Variants in MAGI2 observed in about 807,000 individuals in gnomAD.
MAGI2 encodes the protein membrane associated guanylate kinase, WW and PDZ domain containing 2.
MAGI2 carries 35 observed loss-of-function variants against 133.3 expected under a neutral mutation model. The ratio of observed to expected loss-of-function variants is 0.26; its 90% CI spans 0.20 to 0.35. The LOEUF (loss-of-function observed/expected upper bound fraction) is 0.35, where lower values mean the gene tolerates loss of function less well. Ranked by LOEUF, MAGI2 falls within the 10% of genes least tolerant of loss-of-function variation. The pLI is 1.00. For synonymous variants in MAGI2, 729 were observed against 710.6 expected (o/e 1.03, Z -0.41); for missense variants, 1,636 against 1,863.4 (o/e 0.88, Z 2.25).
At chr7:79,339,457 TG>T (rs1457645058) in intron 1 of MAGI2, among the ~76,000 whole-genome samples, 29 of 116,612 alleles carry the variant, frequency 2.5e-4, no homozygotes, top group Admixed American at 4.7e-4. Context: ...TGTTTGTTTT[TG>T]TTTTTGTTTT....
intron 4 of MAGI2, among the ~76,000 whole-genome samples, chr7:78,508,558 G>T (rs1795293171): frequency 6.6e-6 from 1 of 152,174 alleles, no homozygotes; most frequent in African/African-American, 2.4e-5. Flanking sequence ...GTAATAATGG[G>T]AGGGAAATAA....
intron 6 of MAGI2, among the ~76,000 whole-genome samples, chr7:78,370,588 T>G (rs1244653006): frequency 6.8e-6 from 1 of 146,856 alleles, no homozygotes; most frequent in African/African-American, 2.5e-5. Flanking sequence ...TGACATATAT[T>G]ACCAGATTTC....
Position 78,282,807 on chromosome 7 carries a change from A to AG in MAGI2, c.1409-26227dup, listed in dbSNP as rs542073428. On this transcript the variant is annotated intron_variant, in intron 9 of 21. Transcript: ENST00000354212. ...GATTTCAAGCTTTGTTGACTTCATG[A>AG]GGGGTGGGAGGGTCACAATATTTGT... Among the ~76,000 whole-genome samples, 18 of 151,980 alleles carry AG rather than the reference A, an allele frequency of 1.2e-4. No homozygotes were observed. The South Asian group carries it at 3.7e-3, about 32-fold the overall frequency.
At chr7:79,211,488 C>A (rs1829492747) in intron 1 of MAGI2, among the ~76,000 whole-genome samples, 1 of 150,376 alleles carries the variant, frequency 6.6e-6, no homozygotes, top group South Asian at 2.1e-4. Flanking sequence ...GAGGCAGGGT[C>A]TCACTGTGCT....
At chr7:78,459,360 G>A (rs1038423226) in intron 6 of MAGI2, among the ~76,000 whole-genome samples, 1 of 152,256 alleles carries the variant, frequency 6.6e-6, no homozygotes, top group East Asian at 1.9e-4. Flanking sequence ...TTGAGCAAAA[G>A]GTAGTATTAA....
intron 10 of MAGI2, among the ~76,000 whole-genome samples, chr7:78,221,353 C>T (rs1301282222): frequency 1.3e-5 from 2 of 152,196 alleles, no homozygotes; most frequent in East Asian, 3.9e-4. Context: ...CCAGACACCT[C>T]TTTCTCACTA....
At chr7:78,533,984 T>C (rs2885563) in intron 3 of MAGI2, among the ~76,000 whole-genome samples, 29,688 of 152,114 alleles carry the variant, frequency 0.2, 3,194 homozygotes, top group South Asian at 0.4. Context: ...AGCTGAGTGA[T>C]GGGCAGAGGG....
chr7:78,406,901 T>C (rs1417851650), intron 6 of MAGI2, among the ~76,000 whole-genome samples: 2 of 152,180 alleles, frequency 1.3e-5, no homozygotes, highest in South Asian at 2.1e-4. Flanking sequence ...ATATTCATTG[T>C]CACTGTATAA....
intron 1 of MAGI2, among the ~76,000 whole-genome samples, chr7:79,059,139 T>C (rs1813468377): frequency 6.6e-6 from 1 of 152,088 alleles, no homozygotes. Flanking sequence ...AATTATATTA[T>C]TTTATATTAC....
chr7:78,449,140 A>T lies in MAGI2; in HGVS notation c.1045+40621T>A, dbSNP rs139287020. Among the ~76,000 whole-genome samples the T allele has an allele frequency of 2.2e-3, 340 of 152,070 alleles. 1 individual carries two copies. Among genetic ancestry groups the T allele is most frequent in the African/African-American group, 7.7e-3 (321 of 41,510 alleles). ...GCCCCTTTCCATCACTATCATTGGC[A>T]CCTTGCTTCTGTGGCTAACCTGATA... On this transcript the variant is annotated intron_variant, in intron 6 of 21. Coordinates refer to ENST00000354212, the MANE Select transcript of MAGI2 (RefSeq NM_012301.4).
chr7:78,109,347 A>T, intron 20 of MAGI2, among the ~76,000 whole-genome samples: 1 of 132,932 alleles, frequency 7.5e-6, no homozygotes, highest in East Asian at 2.6e-4. Flanking sequence ...AAAAAGAAAA[A>T]AAAAAGAAAA....
At chr7:78,111,774 A>G (rs1272550675) in intron 20 of MAGI2, among the ~76,000 whole-genome samples, 1 of 152,216 alleles carries the variant, frequency 6.6e-6, no homozygotes, top group East Asian at 1.9e-4. Context: ...AGACAATCTG[A>G]AGGATGATTA....
intron 7 of MAGI2, among the ~76,000 whole-genome samples, chr7:78,366,308 A>C (rs1003244311): frequency 6.6e-6 from 1 of 152,122 alleles, no homozygotes; most frequent in Non-Finnish European, 1.5e-5. Context: ...TAACCTAGAC[A>C]GTTTTTATTT....
intron 3 of MAGI2, among the ~76,000 whole-genome samples, chr7:78,569,362 A>G (rs1801273189): frequency 1.3e-5 from 2 of 152,256 alleles, no homozygotes; most frequent in South Asian, 4.1e-4. Flanking sequence ...ACTTGAATGG[A>G]TCACATGTTC....
rs946746017 is a variant in MAGI2 at position 78,673,072 on chromosome 7, T to C, written c.419-45833A>G. Among the ~76,000 whole-genome samples, 105 of 152,324 alleles carry C rather than the reference T, an allele frequency of 6.9e-4. 1 individual carries two copies. Among genetic ancestry groups the C allele is most frequent in the African/African-American group, 2.5e-3 (102 of 41,576 alleles). On this transcript the variant is annotated intron_variant, in intron 2 of 21. Transcript: ENST00000354212. The stretch of plus-strand genomic sequence containing the variant: ...TCTTTTCATCTTTTATCAATACCTT[T>C]GTTTTACCACTTTCTGATCACCATC...
chr7:79,432,429 T>C (rs922413928), intron 1 of MAGI2, among the ~76,000 whole-genome samples: 1 of 152,198 alleles, frequency 6.6e-6, no homozygotes, highest in African/African-American at 2.4e-5. Context: ...GCTTTTTCCA[T>C]GAGCCTGAGG....
At chr7:78,359,473 C>T (rs1258781187) in intron 7 of MAGI2, 2 of 152,148 alleles carry the variant, frequency 1.3e-5, no homozygotes, top group African/African-American at 4.8e-5. Flanking sequence ...TCTTATCCAC[C>T]TTTTTTGTTC....
At chr7:78,517,624 T>C (rs59322310) in intron 4 of MAGI2, among the ~76,000 whole-genome samples, 4,448 of 152,312 alleles carry the variant, frequency 0.029, 206 homozygotes, top group African/African-American at 0.1. Flanking sequence ...TTATTATTTA[T>C]TTTCATGTTT....
chr7:78,286,640 G>A (rs1562755783), intron 9 of MAGI2, among the ~76,000 whole-genome samples: 1 of 152,088 alleles, frequency 6.6e-6, no homozygotes, highest in Admixed American at 6.6e-5. Flanking sequence ...GTCCGCTGAG[G>A]TGAAGGGCTG....
Sources: gnomAD v4.1 joint callset for allele counts (sites outside exome capture counted in the v4.1 genomes callset) on GRCh38, gnomAD v4.1.1 for gene constraint, MANE v1.5 for transcripts, NCBI Gene and HGNC (gene_info 2026-07-23, HGNC 2026-07-21) for gene names.